The following DNAH9 variants were observed in gnomAD, a reference collection of about 807,000 sequenced individuals.
The protein encoded by DNAH9 is DNAH9 variant protein.
A neutral mutation model predicts 471.6 loss-of-function variants in DNAH9; 345 were observed. The observed-to-expected ratio is 0.73, with a 90% CI of 0.67 to 0.80. The LOEUF is 0.80. DNAH9 is among the 30% of genes least tolerant of loss of function. The pLI, the probability that DNAH9 is intolerant of heterozygous loss-of-function variation, is 0.00. For missense variants in DNAH9, 5,407 were observed against 5,609.2 expected (o/e 0.96, Z 1.15); for synonymous variants, 2,093 against 2,123.6 (o/e 0.99, Z 0.40).
intron 63 of DNAH9, among the ~76,000 whole-genome samples, chr17:11,930,848 C>G (rs1974486230): frequency 6.6e-6 from 1 of 151,938 alleles, no homozygotes; most frequent in Admixed American, 6.6e-5. Context: ...TTAATGAACC[C>G]TCCAGGAGAT....
intron 63 of DNAH9, among the ~76,000 whole-genome samples, chr17:11,930,780 A>AAAAAAAAAAAAAAAAAAAAAAAT (rs1567558351): frequency 6.6e-6 from 1 of 151,042 alleles, no homozygotes; most frequent in African/African-American, 2.4e-5. Flanking sequence ...AAAAAAAAAA[A>AAAAAAAAAAAAAAAAAAAAAAAT]AATTGCAGAT....
intron 28 of DNAH9, among the ~76,000 whole-genome samples, chr17:11,729,752 C>G: frequency 6.6e-6 from 1 of 152,218 alleles, no homozygotes; most frequent in East Asian, 1.9e-4. Flanking sequence ...TCCCCCTCTG[C>G]CCTGGCAGGA....
chr17:11,886,201 G>A (rs1483151315), intron 56 of DNAH9, among the ~76,000 whole-genome samples: 2 of 152,066 alleles, frequency 1.3e-5, no homozygotes, highest in African/African-American at 4.8e-5. Flanking sequence ...GCAGGCGCCT[G>A]TAATCCCAGC....
intron 45 of DNAH9, among the ~76,000 whole-genome samples, chr17:11,813,603 A>T (rs1347648829): frequency 1.3e-5 from 2 of 152,220 alleles, no homozygotes; most frequent in Admixed American, 1.3e-4. Context: ...ACGAGGTTGG[A>T]TATAAAGGTA....
rs753350572 is a variant in DNAH9 at position 11,742,237 on chromosome 17, G to A, written c.6035G>A (p.Gly2012Glu). ...TGTGAAATCATGCTGGTGGCAGAAG[G>A]ATTCATTGAAGCCCAGTCATTAGCC... ...LICEIMLVAE[G>E]FIEAQSLARK... Residue 2012 changes from glycine to glutamate, a missense_variant, in exon 30 of 69, where the codon GGA becomes GAA. By Grantham distance (98) the Gly-to-Glu change is moderately conservative (BLOSUM62 -2). Transcript: ENST00000262442. The A allele has an allele frequency of 1.4e-5, 22 of 1,613,972 alleles. No homozygotes were observed. The highest frequency in any genetic ancestry group is 1.9e-5 in the Non-Finnish European group (22 of 1,179,960).
chr17:11,859,822 G>A (rs577777892), intron 50 of DNAH9, among the ~76,000 whole-genome samples: 9 of 152,192 alleles, frequency 5.9e-5, no homozygotes, highest in African/African-American at 9.6e-5. Flanking sequence ...GGAATGATGC[G>A]AAACCATTCA....
At chr17:11,713,937 G>A (rs1400951126) in intron 26 of DNAH9, among the ~76,000 whole-genome samples, 4 of 152,076 alleles carry the variant, frequency 2.6e-5, no homozygotes, top group Admixed American at 6.6e-5. Flanking sequence ...GATATGGGTG[G>A]CGTTGCTCTC....
chr17:11,659,342 A>G (rs965474848), intron 14 of DNAH9, among the ~76,000 whole-genome samples: 13 of 152,308 alleles, frequency 8.5e-5, no homozygotes, highest in Admixed American at 2.0e-4. Flanking sequence ...CTTGTCTGAC[A>G]TAATGTAAAA....
chr17:11,809,996 G>C (rs1220922374), intron 44 of DNAH9, among the ~76,000 whole-genome samples: 1 of 152,078 alleles, frequency 6.6e-6, no homozygotes. Context: ...GAGCTAGCAT[G>C]GTTGTATGAA....
intron 38 of DNAH9, among the ~76,000 whole-genome samples, chr17:11,773,583 C>T (rs1968304360): frequency 6.6e-6 from 1 of 151,902 alleles, no homozygotes; most frequent in Admixed American, 6.6e-5. Flanking sequence ...ATAATTTATG[C>T]TTATATAAAA....
chr17:11,858,196 T>C (rs1263121636), intron 50 of DNAH9, among the ~76,000 whole-genome samples: 1 of 152,184 alleles, frequency 6.6e-6, no homozygotes, highest in East Asian at 1.9e-4. Flanking sequence ...AAGGAGGCAT[T>C]TTCCGTGAGC....
rs761337244 is a variant in DNAH9, at chr17:11,669,677, A to G, written c.3236A>G (p.Lys1079Arg). The stretch of plus-strand genomic sequence containing the variant: ...GAGGTGTGCAGGCTGGAACCCATCA[A>G]GGTGTTTGACGGCTGGATGAAAATT... ...YEEVCRLEPI[K>R]VFDGWMKIDI... The change falls in exon 17 of 69, where the codon AAG becomes AGG. Residue 1079 changes from lysine to arginine, a missense_variant. Lys to Arg is a conservative substitution (Grantham distance 26, BLOSUM62 2). Transcript: ENST00000262442. 7 of 1,614,168 alleles carry G rather than the reference A, an allele frequency of 4.3e-6. No individual in the cohort carries two copies. In the Admixed American group the frequency reaches 1.0e-4, roughly 23 times the overall value.
intron 49 of DNAH9, among the ~76,000 whole-genome samples, chr17:11,835,661 C>T (rs372166988): frequency 1.3e-5 from 2 of 152,172 alleles, no homozygotes; most frequent in South Asian, 4.1e-4. Context: ...GAAAGCTGCC[C>T]CCTTTTCTGT....
chr17:11,778,610 T>C (rs2045895350), intron 38 of DNAH9, among the ~76,000 whole-genome samples: 1 of 151,988 alleles, frequency 6.6e-6, no homozygotes, highest in South Asian at 2.1e-4. Context: ...GCTACACATC[T>C]TACCATTTGG....
At chr17:11,922,242 A>C (rs1974160919) in intron 61 of DNAH9, among the ~76,000 whole-genome samples, 1 of 152,078 alleles carries the variant, frequency 6.6e-6, no homozygotes. Context: ...GTTTCCAAAA[A>C]TTTTCTTGCA....
intron 1 of DNAH9, among the ~76,000 whole-genome samples, chr17:11,601,185 TA>T (rs1021793562): frequency 6.6e-6 from 1 of 152,252 alleles, no homozygotes; most frequent in African/African-American, 2.4e-5. Context: ...ACCACATTTC[TA>T]AAAAATTTAT....
intron 26 of DNAH9, among the ~76,000 whole-genome samples, chr17:11,714,099 G>T (rs576229963): frequency 1.1e-3 from 167 of 152,312 alleles, no homozygotes; most frequent in Admixed American, 2.2e-3. Flanking sequence ...AATTTTCAAA[G>T]TTTAAATATT....
chr17:11,924,678 C>T (rs1974259179), intron 62 of DNAH9, among the ~76,000 whole-genome samples: 1 of 126,166 alleles, frequency 7.9e-6, no homozygotes, highest in Admixed American at 1.0e-4. Context: ...GGCTGGAGTG[C>T]AATGGCGCAA....
At chr17:11,752,781 GAA>G in intron 32 of DNAH9, 50 bp from the exon 33 acceptor site, 2 of 1,473,128 alleles carry the variant, frequency 1.4e-6, no homozygotes, top group Non-Finnish European at 1.8e-6. Flanking sequence ...GTGTTTAAGT[GAA>G]AGAGGATTAA....
Sources: allele counts gnomAD v4.1 joint callset (sites outside exome capture counted in the v4.1 genomes callset), GRCh38; gene constraint gnomAD v4.1.1; transcripts MANE v1.5; gene names NCBI Gene and HGNC (gene_info 2026-07-23, HGNC 2026-07-21).